Variants in GCC2 observed in about 807,000 individuals in gnomAD.
GCC2 encodes the protein GRIP and coiled-coil domain-containing protein 2.
A neutral mutation model predicts 210.6 loss-of-function variants in GCC2; 120 were observed. The ratio of observed to expected loss-of-function variants is 0.57; its 90% confidence interval spans 0.49 to 0.66. The LOEUF is 0.66. GCC2 is among the 30% of genes least tolerant of loss of function. The pLI, the probability that GCC2 is intolerant of heterozygous loss-of-function variation, is 0.00. For missense variants in GCC2, 1,868 were observed against 1,871.9 expected, an observed-to-expected ratio of 1.00 and a Z score of 0.04; for synonymous variants, 703 against 652.7, an observed-to-expected ratio of 1.08 and a Z score of -1.17.
intron 4 of GCC2, among the ~76,000 whole-genome samples, chr2:108,460,381 C>G (rs766220523): frequency 6.6e-6 from 1 of 151,858 alleles, no homozygotes; most frequent in Non-Finnish European, 1.5e-5. Flanking sequence ...ATATGTGAGC[C>G]TTTTTTCTGT....
intron 4 of GCC2, among the ~76,000 whole-genome samples, chr2:108,454,697 CTA>C (rs1393107508): frequency 2.0e-5 from 3 of 152,136 alleles, no homozygotes; most frequent in Non-Finnish European, 2.9e-5. Context: ...AATTCTTTCT[CTA>C]TGATTCAGTT....
At position 108,470,668 on chromosome 2, in the gene GCC2, GA is replaced by G; in HGVS notation, c.1340del (p.Asp447ValfsTer7). On this transcript the variant is annotated frameshift_variant, in exon 6 of 23. Transcript: ENST00000309863. LOFTEE classifies it high-confidence loss of function. ...ISELNETFLS[D>X]SEKEKLTLMF... is the part of the protein sequence containing the mutation. The stretch of plus-strand genomic sequence containing the variant: ...AGAACTAAATGAGACATTTTTGTCA[GA>G]TTCAGAAAAAGAAAAATTAACATTA... 6.2e-7 allele frequency: 1 copy of G among 1,611,324 alleles called. No individual in the cohort carries two copies. The highest frequency in any genetic ancestry group is 8.5e-7 in the Non-Finnish European group (1 of 1,178,694).
intron 22 of GCC2, among the ~76,000 whole-genome samples, chr2:108,500,081 A>G (rs917192687): frequency 2.6e-5 from 4 of 152,010 alleles, no homozygotes; most frequent in African/African-American, 4.8e-5. Context: ...TTTTTAAAAA[A>G]CATTTATTAG....
intron 12 of GCC2, 42 bp from the exon 13 acceptor site, chr2:108,484,107 T>A: frequency 7.4e-7 from 1 of 1,343,912 alleles, no homozygotes; most frequent in Non-Finnish European, 1.0e-6. Flanking sequence ...ACAAATGAAC[T>A]GATCTACTAT....
At chr2:108,496,490 CT>C (rs1306230368) in intron 20 of GCC2, 1 of 184,384 alleles carries the variant, frequency 5.4e-6, no homozygotes, top group Non-Finnish European at 1.1e-5. Context: ...GCCAATTTGA[CT>C]TTGTGATTTC....
intron 4 of GCC2, among the ~76,000 whole-genome samples, chr2:108,454,249 C>T (rs1293148332): frequency 2.0e-5 from 3 of 152,154 alleles, no homozygotes; most frequent in African/African-American, 2.4e-5. Flanking sequence ...CTCGTCCTCC[C>T]GAAGTGCTGG....
At chr2:108,497,142 C>T (rs371568544) in intron 21 of GCC2, 33 bp downstream of exon 21, 37 of 1,611,692 alleles carry the variant, frequency 2.3e-5, no homozygotes, top group African/African-American at 8.0e-5. Context: ...CCGTGAAAAC[C>T]GCCAGTTTGG....
At chr2:108,449,311 C>T in intron 1 of GCC2, 31 bp downstream of exon 1, 1 of 1,545,726 alleles carries the variant, frequency 6.5e-7, no homozygotes. Context: ...TGCCTCCCAT[C>T]AAGCCTTCCG....
rs951929244 is a variant in GCC2 at position 108,471,899 on chromosome 2, T to C, written c.2570T>C (p.Leu857Pro). 1.2e-6 allele frequency: 2 copies of C among 1,604,450 alleles called. No individual in the cohort carries two copies. Among genetic ancestry groups the C allele is most frequent in the Non-Finnish European group, 1.7e-6 (2 of 1,176,646 alleles). ...GAAATACAGTCAGAAAAAGAGGCCC[T>C]GCAGTCTGATCTTCTAGAAATGAAG... Reference protein sequence around the residue: ...LEEIQSEKEALQSDLLEMKNA... With the variant: ...LEEIQSEKEAPQSDLLEMKNA... The change falls in exon 6 of 23, where the codon CTG (leucine) becomes CCG (proline). Residue 857 changes from leucine (L) to proline (P), a missense_variant. Leu to Pro is a moderately conservative substitution (Grantham distance 98). Around this residue, in one of 3 missense-constraint regions of GCC2, gnomAD observed 1,847 missense variants for 1,765.2 expected, o/e 1.05. Coordinates refer to ENST00000309863, the MANE Select transcript of GCC2 (RefSeq NM_181453.4).
At chr2:108,453,625 A>G (rs1252977806) in intron 4 of GCC2, among the ~76,000 whole-genome samples, 1 of 152,100 alleles carries the variant, frequency 6.6e-6, no homozygotes, top group Non-Finnish European at 1.5e-5. Flanking sequence ...TCTGTACTAA[A>G]AATACAACAT....
intron 12 of GCC2, 66 bp from the exon 13 acceptor site, chr2:108,484,082 TG>T (rs1682006513): frequency 3.7e-6 from 4 of 1,066,758 alleles, no homozygotes; most frequent in African/African-American, 3.3e-5. Context: ...ATTTTACAAA[TG>T]AAAAAAAAAA....
chr2:108,500,018 C>CCTGGTGTTGCGTT (rs1682838560), intron 22 of GCC2, among the ~76,000 whole-genome samples: 1 of 152,134 alleles, frequency 6.6e-6, no homozygotes, highest in East Asian at 1.9e-4. Flanking sequence ...GGATTTTTAT[C>CCTGGTGTTGCGTT]CTGGTGTTGC....
chr2:108,460,979 G>A (rs1680540136), intron 4 of GCC2, among the ~76,000 whole-genome samples: 1 of 152,164 alleles, frequency 6.6e-6, no homozygotes, highest in Non-Finnish European at 1.5e-5. Context: ...TGCCATGATT[G>A]TAAGTTTCCT....
intron 4 of GCC2, among the ~76,000 whole-genome samples, chr2:108,454,648 A>G (rs1049352322): frequency 6.6e-6 from 1 of 152,216 alleles, no homozygotes; most frequent in Non-Finnish European, 1.5e-5. Context: ...ATCCTTGTTC[A>G]TCTACTGATC....
intron 16 of GCC2, 90 bp from the exon 17 acceptor site, chr2:108,487,608 AC>A: frequency 8.2e-7 from 1 of 1,215,654 alleles, no homozygotes; most frequent in Non-Finnish European, 1.1e-6. Context: ...ATTTTCAAAA[AC>A]AGGTTTTTAT....
At position 108,472,128 on chromosome 2, in the gene GCC2, T is replaced by C; in HGVS notation, c.2787+12T>C. 1 of 1,442,112 alleles carries C rather than the reference T, an allele frequency of 6.9e-7. No individual in the cohort carries two copies. Among genetic ancestry groups the C allele is most frequent in the Admixed American group, 2.5e-5 (1 of 39,296 alleles). 89.3% of individuals were successfully genotyped at this position (1,442,112 alleles called of 1,614,324 possible). ...TGATACTATTAAAGGTACCATTCAT[T>C]TGAATTCTATTGTTTCAAATAAATT... On this transcript the variant is annotated intron_variant, in intron 6 of 22. Transcript: ENST00000309863.
chr2:108,493,730 G>T (rs543575881), intron 19 of GCC2: 9 of 985,380 alleles, frequency 9.1e-6, no homozygotes, highest in Non-Finnish European at 1.1e-5. Flanking sequence ...GCCGCTATCG[G>T]TCACTTATTA....
intron 9 of GCC2, among the ~76,000 whole-genome samples, chr2:108,477,088 A>AT (rs917611960): frequency 2.0e-5 from 3 of 151,976 alleles, no homozygotes; most frequent in African/African-American, 4.8e-5. Context: ...AAAATTGTAG[A>AT]TTTTTTTTGG....
chr2:108,453,179 C>T (rs1293209056), intron 4 of GCC2, among the ~76,000 whole-genome samples: 1 of 152,174 alleles, frequency 6.6e-6, no homozygotes, highest in Non-Finnish European at 1.5e-5. Flanking sequence ...TTTCACTTAT[C>T]TCATCAAACT....
Sources: allele counts gnomAD v4.1 joint callset (sites outside exome capture counted in the v4.1 genomes callset), GRCh38; gene constraint gnomAD v4.1.1; regional missense constraint gnomAD v4.1.1; transcripts MANE v1.5; gene names NCBI Gene and HGNC (gene_info 2026-07-23, HGNC 2026-07-21).